CSMD3: variants seen among roughly 807,000 people sequenced by gnomAD.
The protein encoded by CSMD3 is CUB and sushi domain-containing protein 3.
A neutral mutation model predicts 435.2 loss-of-function variants in CSMD3; 177 were observed. The observed-to-expected ratio is 0.41, with a 90% CI of 0.36 to 0.46. The LOEUF is 0.46. CSMD3 is among the 20% of genes least tolerant of loss of function. The probability of loss-of-function intolerance (pLI) is 0.34; values close to 1 mark genes in which losing one functional copy is unlikely to be tolerated. For synonymous variants in CSMD3, 1,656 were observed against 1,520.5 expected (o/e 1.09, Z -2.07); for missense variants, 4,265 against 4,504.6 (o/e 0.95, Z 1.52).
intron 32 of CSMD3, among the ~76,000 whole-genome samples, chr8:112,448,899 T>C (rs2130575726): frequency 6.6e-6 from 1 of 152,078 alleles, no homozygotes; most frequent in East Asian, 1.9e-4. Context: ...TGCTAGAAAG[T>C]TGAGGGTGGA....
At chr8:112,407,679 A>C (rs548513414) in intron 34 of CSMD3, among the ~76,000 whole-genome samples, 1 of 152,182 alleles carries the variant, frequency 6.6e-6, no homozygotes, top group East Asian at 1.9e-4. Flanking sequence ...ATGTTTATAC[A>C]TTTCTTAGTA....
At chr8:113,420,104 A>C (rs2094602617) in intron 1 of CSMD3, among the ~76,000 whole-genome samples, 1 of 152,178 alleles carries the variant, frequency 6.6e-6, no homozygotes, top group African/African-American at 2.4e-5. Context: ...AGGAGTTTGC[A>C]ACAAATGGGC....
At chr8:113,097,045 A>G (rs1266356609) in intron 5 of CSMD3, among the ~76,000 whole-genome samples, 1 of 151,972 alleles carries the variant, frequency 6.6e-6, no homozygotes, top group Non-Finnish European at 1.5e-5. Flanking sequence ...GACAATGGGT[A>G]AGTCATGTCA....
intron 4 of CSMD3, among the ~76,000 whole-genome samples, chr8:113,131,820 A>T (rs2091290866): frequency 6.6e-6 from 1 of 152,160 alleles, no homozygotes; most frequent in Non-Finnish European, 1.5e-5. Context: ...TGGGGGCTGT[A>T]CCCTGAAGAG....
At chr8:113,164,198 G>T (rs1247597018) in intron 4 of CSMD3, among the ~76,000 whole-genome samples, 1 of 151,760 alleles carries the variant, frequency 6.6e-6, no homozygotes, top group African/African-American at 2.4e-5. Flanking sequence ...TTACTCTCCT[G>T]TTATTTTCTT....
At chr8:113,271,727 C>A (rs1336000023) in intron 3 of CSMD3, among the ~76,000 whole-genome samples, 3 of 152,090 alleles carry the variant, frequency 2.0e-5, no homozygotes, top group Non-Finnish European at 2.9e-5. Context: ...ACTGGGGCAC[C>A]ACTTAGTGAG....
chr8:112,503,662 C>T, intron 30 of CSMD3, 128 bp downstream of exon 30: 1 of 618,872 alleles, frequency 1.6e-6, no homozygotes, highest in Non-Finnish European at 2.7e-6. Flanking sequence ...ATGAGATGAA[C>T]TGTACATAAT....
At position 112,405,211 on chromosome 8, in the gene CSMD3, C is replaced by CAA. The variant is rs1563904114; in HGVS notation, c.5809+1312_5809+1313insTT. Among the ~76,000 whole-genome samples, 2 of 18,114 alleles carry CAA rather than the reference C, an allele frequency of 1.1e-4. 1 individual carries two copies. The highest frequency in any genetic ancestry group is 1.8e-4 in the Non-Finnish European group (2 of 11,286). The allele number at this position is 18,114 out of a possible 152,430, so 11.9% of individuals were successfully genotyped here. ...AAAAAAAAAAAAAAAAAAAAAAAAC[C>CAA]CCCATATATATATATATATATATAT... On this transcript the variant is annotated intron_variant, in intron 35 of 70. Transcript: ENST00000297405.
intron 13 of CSMD3, among the ~76,000 whole-genome samples, chr8:112,776,197 A>AT (rs1304996639): frequency 2.0e-5 from 3 of 151,876 alleles, no homozygotes; most frequent in African/African-American, 7.2e-5. Flanking sequence ...TATATGCACA[A>AT]TAACCATAAT....
chr8:112,262,275 T>A (rs988194665), intron 61 of CSMD3, among the ~76,000 whole-genome samples: 2 of 152,148 alleles, frequency 1.3e-5, no homozygotes, highest in Non-Finnish European at 2.9e-5. Context: ...CACATATGTA[T>A]AAATGGTTCT....
chr8:112,607,972 A>C (rs1042156860), intron 22 of CSMD3, among the ~76,000 whole-genome samples: 1 of 152,152 alleles, frequency 6.6e-6, no homozygotes, highest in African/African-American at 2.4e-5. Flanking sequence ...AGGAAAGAAA[A>C]AGAAACCAAA....
intron 66 of CSMD3, among the ~76,000 whole-genome samples, chr8:112,240,344 A>G (rs1397524709): frequency 6.6e-6 from 1 of 152,118 alleles, no homozygotes; most frequent in Non-Finnish European, 1.5e-5. Context: ...TCCCAAATCA[A>G]GCATTTCCCT....
At chr8:112,412,520 A>G (rs1169167836) in intron 32 of CSMD3, among the ~76,000 whole-genome samples, 5 of 152,090 alleles carry the variant, frequency 3.3e-5, no homozygotes, top group Non-Finnish European at 5.9e-5. Flanking sequence ...TAAGGGAAAC[A>G]CTACTCATTT....
chr8:112,777,116 T>C (rs1279202781), intron 13 of CSMD3, among the ~76,000 whole-genome samples: 1 of 151,744 alleles, frequency 6.6e-6, no homozygotes, highest in Admixed American at 6.6e-5. Flanking sequence ...TGCCCAAAAA[T>C]GAAAGACAAG....
At position 112,921,757 on chromosome 8, in the gene CSMD3, G is replaced by A. The variant is rs2130632783; in HGVS notation, c.1509-6C>T. ...ACTGCACAGTTGATCCAAGGCTAAAGTTAAATAAAAGAGAAAAAATATGAT... is the reference window on the plus strand; with the variant it reads ...ACTGCACAGTTGATCCAAGGCTAAAATTAAATAAAAGAGAAAAAATATGAT... On this transcript the variant is annotated splice_region_variant and splice_polypyrimidine_tract_variant and intron_variant, in intron 9 of 70. Transcript: ENST00000297405. 4.4e-6 allele frequency: 7 copies of A among 1,603,442 alleles called. No individual in the cohort carries two copies. The highest frequency in any genetic ancestry group is 6.0e-6 in the Non-Finnish European group (7 of 1,170,882).
intron 42 of CSMD3, among the ~76,000 whole-genome samples, chr8:112,339,553 C>T (rs754643361): frequency 1.4e-4 from 22 of 152,184 alleles, no homozygotes; most frequent in Admixed American, 5.9e-4. Flanking sequence ...CTTTGCTGGG[C>T]GTTTTGTCCA....
At chr8:113,394,456 T>G (rs2094474575) in intron 1 of CSMD3, among the ~76,000 whole-genome samples, 1 of 152,266 alleles carries the variant, frequency 6.6e-6, no homozygotes, top group Non-Finnish European at 1.5e-5. Context: ...ATTTTATACA[T>G]TTTAAATGAA....
chr8:112,231,643 T>A lies in CSMD3; in HGVS notation c.10741-11A>T. Reference sequence around the variant, plus strand: ...AGGCTCAGCAGAAACCTAAAAATATTTAAACAGCCAAATATACTTGAATAC... The same window carrying A: ...AGGCTCAGCAGAAACCTAAAAATATATAAACAGCCAAATATACTTGAATAC... On this transcript the variant is annotated splice_polypyrimidine_tract_variant and intron_variant, in intron 68 of 70. Coordinates refer to ENST00000297405, the MANE Select transcript of CSMD3 (RefSeq NM_198123.2). The A allele has an allele frequency of 1.3e-6, 2 of 1,517,972 alleles. No individual in the cohort carries two copies. The highest frequency in any genetic ancestry group is 9.2e-7 in the Non-Finnish European group (1 of 1,092,748). 94.0% of individuals were successfully genotyped at this position (1,517,972 alleles called of 1,614,324 possible). A position where few individuals can be genotyped will look rare whatever the true frequency, so the allele number is the denominator to read the frequency against.
At chr8:113,025,493 A>G (rs745805373) in intron 5 of CSMD3, among the ~76,000 whole-genome samples, 1 of 152,138 alleles carries the variant, frequency 6.6e-6, no homozygotes, top group Non-Finnish European at 1.5e-5. Context: ...GGCTGGCACT[A>G]GGGTGGGCTT....
Sources: allele counts gnomAD v4.1 joint callset (sites outside exome capture counted in the v4.1 genomes callset), GRCh38; gene constraint gnomAD v4.1.1; transcripts MANE v1.5; gene names NCBI Gene and HGNC (gene_info 2026-07-23, HGNC 2026-07-21).